Variants in KLF13 observed in about 807,000 individuals in gnomAD.
The protein encoded by KLF13 is KLF transcription factor 13.
Under a neutral mutation model 16.7 loss-of-function variants are expected in KLF13, and 8 were observed. That is an observed-to-expected ratio of 0.48 (90% confidence interval 0.28 to 0.87). KLF13 has a LOEUF of 0.87. Among genes scored for constraint, KLF13 ranks in the 40% least tolerant of loss-of-function variants. KLF13 has a pLI of 0.10. For missense variants in KLF13, 447 were observed against 452.2 expected (o/e 0.99, Z 0.10); for synonymous variants, 245 against 208.4 (o/e 1.18, Z -1.51).
chr15:31,332,952 C>T (rs954115702), intron 1 of KLF13, among the ~76,000 whole-genome samples: 4 of 152,122 alleles, frequency 2.6e-5, no homozygotes, highest in African/African-American at 9.7e-5. Flanking sequence ...ATGAGAGACC[C>T]TGGAATAATG....
chr15:31,397,112 CTT>C (rs946538382), intron 2 of KLF13, among the ~76,000 whole-genome samples: 3 of 151,932 alleles, frequency 2.0e-5, no homozygotes, highest in African/African-American at 7.3e-5. Flanking sequence ...TTTCGTTTGA[CTT>C]TGCCACAGGA....
intron 2 of KLF13, among the ~76,000 whole-genome samples, chr15:31,399,710 G>A (rs1267605085): frequency 5.9e-5 from 9 of 152,258 alleles, no homozygotes; most frequent in African/African-American, 2.2e-4. Flanking sequence ...TTGGGTGGAT[G>A]TGCCAGGGTG....
intron 1 of KLF13, among the ~76,000 whole-genome samples, chr15:31,356,049 T>G (rs1052387820): frequency 6.6e-6 from 1 of 152,074 alleles, no homozygotes; most frequent in Admixed American, 6.5e-5. Flanking sequence ...ACTTTTATTT[T>G]AGGGTTGGGG....
intron 2 of KLF13, among the ~76,000 whole-genome samples, chr15:31,401,916 CA>C (rs2040042737): frequency 6.6e-6 from 1 of 152,192 alleles, no homozygotes; most frequent in Non-Finnish European, 1.5e-5. Context: ...GAGTGGCACG[CA>C]AGCCTGCCTA....
intron 1 of KLF13, chr15:31,339,888 G>T (rs529492591): frequency 5.7e-6 from 4 of 696,672 alleles, no homozygotes; most frequent in African/African-American, 5.2e-5. Context: ...GCGGGCTCTC[G>T]TGCAGGCCTG....
intron 1 of KLF13, among the ~76,000 whole-genome samples, chr15:31,338,568 C>T (rs1282860798): frequency 6.6e-6 from 1 of 152,134 alleles, no homozygotes; most frequent in Non-Finnish European, 1.5e-5. Context: ...AGCAGCAGTG[C>T]GTGCCCAGCC....
intron 1 of KLF13, among the ~76,000 whole-genome samples, chr15:31,367,189 G>A (rs2039488127): frequency 6.6e-6 from 1 of 152,158 alleles, no homozygotes; most frequent in African/African-American, 2.4e-5. Context: ...TGCTGCCTGA[G>A]TGTCACTACC....
At position 31,348,679 on chromosome 15, in the gene KLF13, G is replaced by A. The variant is rs140485332; in HGVS notation, c.577+20890G>A. Among the ~76,000 whole-genome samples the A allele has an allele frequency of 1.2e-3, 179 of 152,242 alleles. 1 individual carries two copies. The highest frequency in any genetic ancestry group is 4.2e-3 in the African/African-American group (175 of 41,532). ...CCGCAGTGCCTTGGGCTCCAGTGGG[G>A]TGTCTCGGTGCTGGCATTGTAGAGT... is the stretch of plus-strand genomic sequence containing the variant. On this transcript the variant is annotated intron_variant, in intron 1 of 1. Coordinates refer to ENST00000307145, the MANE Select transcript of KLF13 (RefSeq NM_015995.4).
chr15:31,397,879 G>GA (rs1299651595), intron 2 of KLF13, among the ~76,000 whole-genome samples: 4 of 149,674 alleles, frequency 2.7e-5, no homozygotes, highest in South Asian at 4.2e-4. Flanking sequence ...GGCGGCGGGG[G>GA]GGGTGGTGAT....
At chr15:31,348,490 C>G (rs1323321744) in intron 1 of KLF13, among the ~76,000 whole-genome samples, 1 of 152,222 alleles carries the variant, frequency 6.6e-6, no homozygotes, top group Non-Finnish European at 1.5e-5. Context: ...ACCTCCCAGA[C>G]AGGACTGTTG....
intron 1 of KLF13, among the ~76,000 whole-genome samples, chr15:31,428,638 C>G (rs1227060692): frequency 1.3e-5 from 2 of 151,742 alleles, no homozygotes; most frequent in Admixed American, 1.3e-4. Context: ...AACCCCGTCT[C>G]TACTAAAAAA....
Position 31,372,086 on chromosome 15 carries a change from C to T in KLF13, c.654C>T (p.Tyr218=). 1 of 1,612,944 alleles carries T rather than the reference C, an allele frequency of 6.2e-7. No homozygotes were observed. Among genetic ancestry groups the T allele is most frequent in the South Asian group, 1.1e-5 (1 of 91,062 alleles). ...GCTCCGACGAGCTGGCGCGGCACTA[C>T]CGCACACACACGGGCGAGAAGAAGT... ...FARSDELARH[Y]RTHTGEKKFS... The change falls in exon 2 of 2, where the codon TAC becomes TAT. Residue 218 remains tyrosine, a synonymous_variant. Transcript: ENST00000307145.
rs1566848210 is a variant in KLF13, at chr15:31,423,126, T to TATATATACAC, written n.118-12239_118-12238insTACACATATA. Among the ~76,000 whole-genome samples the TATATATACAC allele has an allele frequency of 9.2e-5, 12 of 129,736 alleles. 4 individuals carry two copies. The highest frequency in any genetic ancestry group is 4.4e-4 in the African/African-American group (12 of 27,388). The allele number at this position is 129,736 out of a possible 152,430, so 85.1% of individuals were successfully genotyped here. A position where few individuals can be genotyped will look rare whatever the true frequency, so the allele number is the denominator to read the frequency against. Reference sequence around the variant, plus strand: ...GTATACGTATACGTATATATACGTATATATACGTATACGTATACGTATATA... The same window carrying TATATATACAC: ...GTATACGTATACGTATATATACGTATATATATACACATATACGTATACGTATACGTATATA... On this transcript the variant is annotated intron_variant and non_coding_transcript_variant, in intron 1 of 1. Coordinates refer to the KLF13 transcript ENST00000558225.
At chr15:31,419,737 G>C (rs1277183372) in intron 1 of KLF13, among the ~76,000 whole-genome samples, 1 of 152,104 alleles carries the variant, frequency 6.6e-6, no homozygotes, top group Non-Finnish European at 1.5e-5. Flanking sequence ...AGAGAGCAAA[G>C]GGCAGAGAGC....
intron 1 of KLF13, among the ~76,000 whole-genome samples, chr15:31,346,113 C>T (rs779803115): frequency 6.6e-6 from 1 of 152,110 alleles, no homozygotes; most frequent in Non-Finnish European, 1.5e-5. Flanking sequence ...CAGGAGCCCC[C>T]GAGAACCCTG....
downstream of KLF13, among the ~76,000 whole-genome samples, chr15:31,404,977 GC>G (rs2040100652): frequency 6.6e-6 from 1 of 152,188 alleles, no homozygotes; most frequent in Non-Finnish European, 1.5e-5. Flanking sequence ...CCTCAAAGAG[GC>G]TACGAGTACT....
At chr15:31,426,746 A>G (rs1566850068) in intron 1 of KLF13, among the ~76,000 whole-genome samples, 1 of 152,166 alleles carries the variant, frequency 6.6e-6, no homozygotes, top group African/African-American at 2.4e-5. Flanking sequence ...ATAAAGCAAT[A>G]TTTGTAGGTG....
At chr15:31,379,837 T>C (rs948229761), downstream of KLF13, among the ~76,000 whole-genome samples, 9 of 152,238 alleles carry the variant, frequency 5.9e-5, no homozygotes, top group Middle Eastern at 6.8e-3. Flanking sequence ...CCTTTTTCCA[T>C]ATTTCTCAGG....
At chr15:31,364,529 CATT>C (rs1233721628) in intron 1 of KLF13, among the ~76,000 whole-genome samples, 4 of 152,244 alleles carry the variant, frequency 2.6e-5, no homozygotes, top group Non-Finnish European at 4.4e-5. Flanking sequence ...TAGGTGATAA[CATT>C]GTTATCTCCT....
Sources: gnomAD v4.1 joint callset for allele counts (sites outside exome capture counted in the v4.1 genomes callset) on GRCh38, gnomAD v4.1.1 for gene constraint, MANE v1.5 for transcripts, NCBI Gene and HGNC (gene_info 2026-07-23, HGNC 2026-07-21) for gene names.